The following ST6GALNAC3 variants were observed in gnomAD, a reference collection of about 807,000 sequenced individuals.
ST6GALNAC3 encodes alpha-N-acetylgalactosaminide alpha-2,6-sialyltransferase 3.
In ST6GALNAC3, 25 loss-of-function variants were observed where a neutral mutation model predicts 32.7. The ratio of observed to expected loss-of-function variants is 0.76; its 90% CI spans 0.56 to 1.07. The LOEUF is 1.07. ST6GALNAC3 is among the 50% of genes least tolerant of loss of function. The probability of loss-of-function intolerance (pLI) is 0.00; values close to 1 mark genes in which losing one functional copy is unlikely to be tolerated. For synonymous variants in ST6GALNAC3, 129 were observed against 133.1 expected, an observed-to-expected ratio of 0.97 and a Z score of 0.21; for missense variants, 355 against 382.4, an observed-to-expected ratio of 0.93 and a Z score of 0.60.
intron 1 of ST6GALNAC3, among the ~76,000 whole-genome samples, chr1:76,154,156 A>G (rs1557658248): frequency 1.3e-5 from 2 of 152,090 alleles, no homozygotes; most frequent in African/African-American, 2.4e-5. Context: ...TGGGTGGACA[A>G]TTCTCTTGGA....
intron 1 of ST6GALNAC3, among the ~76,000 whole-genome samples, chr1:76,296,752 C>T (rs1660428297): frequency 6.6e-6 from 1 of 152,018 alleles, no homozygotes; most frequent in African/African-American, 2.4e-5. Context: ...AGAATTTCAA[C>T]TCTGATGAGA....
chr1:76,419,716 A>G (rs1654892668), intron 3 of ST6GALNAC3, among the ~76,000 whole-genome samples: 1 of 152,116 alleles, frequency 6.6e-6, no homozygotes, highest in Admixed American at 6.6e-5. Flanking sequence ...TTCATCCTAT[A>G]CTACGCCCAT....
At chr1:76,468,299 T>C (rs1438306341) in intron 3 of ST6GALNAC3, among the ~76,000 whole-genome samples, 4 of 152,014 alleles carry the variant, frequency 2.6e-5, no homozygotes. Context: ...AAACATTTCC[T>C]CTAAATACTT....
At chr1:76,450,496 G>T (rs532272610) in intron 3 of ST6GALNAC3, among the ~76,000 whole-genome samples, 1 of 152,218 alleles carries the variant, frequency 6.6e-6, no homozygotes, top group East Asian at 1.9e-4. Flanking sequence ...AGATTGTGAA[G>T]ATTTTCTCCC....
intron 3 of ST6GALNAC3, among the ~76,000 whole-genome samples, chr1:76,487,397 C>T (rs1263955666): frequency 1.3e-5 from 2 of 152,250 alleles, no homozygotes; most frequent in Admixed American, 6.5e-5. Flanking sequence ...TCACATAGTC[C>T]CATATTTCTT....
At chr1:76,551,887 T>G (rs1005527065) in intron 3 of ST6GALNAC3, among the ~76,000 whole-genome samples, 5 of 152,090 alleles carry the variant, frequency 3.3e-5, no homozygotes, top group African/African-American at 1.2e-4. Context: ...ACTCTGTACC[T>G]CCATGAGGTC....
chr1:76,599,128 ACTT>A (rs1647180937), intron 3 of ST6GALNAC3, among the ~76,000 whole-genome samples: 1 of 152,086 alleles, frequency 6.6e-6, no homozygotes, highest in African/African-American at 2.4e-5. Context: ...TGCCATTAAT[ACTT>A]CTCATTTATT....
Position 76,630,402 on chromosome 1 carries a change from A to G in ST6GALNAC3, c.*1596A>G. ...ACAACAGGAGGAAATGAAGGCAGAG[A>G]AATATAGTTTCCTTTCCTAGGATTG... On this transcript the variant is annotated 3_prime_UTR_variant, in exon 5 of 5. Coordinates refer to ENST00000328299, the MANE Select transcript of ST6GALNAC3 (RefSeq NM_152996.4). The G allele has an allele frequency of 1.0e-6, 1 of 985,234 alleles. No individual in the cohort carries two copies. The highest frequency in any genetic ancestry group is 1.2e-6 in the Non-Finnish European group (1 of 829,830). 61.0% of individuals were successfully genotyped at this position (985,234 alleles called of 1,614,324 possible). A position where few individuals can be genotyped will look rare whatever the true frequency, so the allele number is the denominator to read the frequency against.
intron 1 of ST6GALNAC3, among the ~76,000 whole-genome samples, chr1:76,248,558 A>G (rs970661726): frequency 3.3e-5 from 5 of 152,130 alleles, no homozygotes; most frequent in African/African-American, 1.2e-4. Flanking sequence ...GGAAACAACC[A>G]TTATCCTAAT....
Position 76,618,821 on chromosome 1 carries a change from T to G in ST6GALNAC3, c.624-8631T>G, listed in dbSNP as rs59465485. Among the ~76,000 whole-genome samples, 949 of 152,286 alleles carry G rather than the reference T, an allele frequency of 6.2e-3. 11 individuals are homozygous for G. The highest frequency in any genetic ancestry group is 0.022 in the African/African-American group (904 of 41,560). On this transcript the variant is annotated intron_variant, in intron 3 of 4. Coordinates refer to ENST00000328299, the MANE Select transcript of ST6GALNAC3 (RefSeq NM_152996.4). Reference sequence around the variant, plus strand: ...CTGGACACCATCACAATGTTGACTCTTCGCATATTATACCTATCACAGCAA... The same window carrying G: ...CTGGACACCATCACAATGTTGACTCGTCGCATATTATACCTATCACAGCAA...
chr1:76,605,833 C>A (rs1442397466), intron 3 of ST6GALNAC3, among the ~76,000 whole-genome samples: 1 of 119,030 alleles, frequency 8.4e-6, no homozygotes, highest in Non-Finnish European at 1.6e-5. Context: ...CCACTGCACT[C>A]CATCCTGGGT....
downstream of ST6GALNAC3, chr1:76,636,747 G>A (rs1409942960): frequency 1.3e-5 from 2 of 151,554 alleles, no homozygotes; most frequent in Non-Finnish European, 2.9e-5. Context: ...CACCTAATAC[G>A]AAACTATTTG....
At chr1:76,300,273 G>T (rs145291573) in intron 1 of ST6GALNAC3, among the ~76,000 whole-genome samples, 1 of 151,950 alleles carries the variant, frequency 6.6e-6, no homozygotes, top group Non-Finnish European at 1.5e-5. Flanking sequence ...GTAGACAGTG[G>T]CTCCAATTTT....
chr1:76,184,360 G>A (rs1653394046), intron 1 of ST6GALNAC3, among the ~76,000 whole-genome samples: 1 of 152,074 alleles, frequency 6.6e-6, no homozygotes, highest in South Asian at 2.1e-4. Context: ...CCAACATAGT[G>A]AAACCCTGTC....
intron 3 of ST6GALNAC3, among the ~76,000 whole-genome samples, chr1:76,491,794 A>G (rs1219951250): frequency 3.3e-5 from 5 of 152,312 alleles, no homozygotes; most frequent in African/African-American, 1.2e-4. Context: ...ATCAAAGTAC[A>G]GTTCTTGCTA....
intron 3 of ST6GALNAC3, among the ~76,000 whole-genome samples, chr1:76,593,219 A>C (rs375124177): frequency 1.9e-4 from 29 of 152,308 alleles, no homozygotes; most frequent in African/African-American, 7.0e-4. Flanking sequence ...AATTAGTATG[A>C]TGTCTTTGTT....
chr1:76,409,223 C>A (rs1010014890), intron 2 of ST6GALNAC3, among the ~76,000 whole-genome samples: 2 of 152,070 alleles, frequency 1.3e-5, no homozygotes, highest in African/African-American at 4.8e-5. Context: ...CTATTCCCAT[C>A]TGGTGCCTGG....
rs1431208283 is a variant in ST6GALNAC3, at chr1:76,074,840, C to T, written c.-27C>T. 3 of 1,582,068 alleles carry T rather than the reference C, an allele frequency of 1.9e-6. No homozygotes were observed. Among genetic ancestry groups the T allele is most frequent in the Admixed American group, 1.8e-5 (1 of 55,492 alleles). On this transcript the variant is annotated 5_prime_UTR_variant, in exon 1 of 5. Coordinates refer to ENST00000328299, the MANE Select transcript of ST6GALNAC3 (RefSeq NM_152996.4). The stretch of plus-strand genomic sequence containing the variant: ...CCCTGACCCAGGCGCGCCCGCTGCT[C>T]GGTGGCAGGAGGGCCGGCGGAGCGC...
rs1349664344 is a variant in ST6GALNAC3 at position 76,464,409 on chromosome 1, A to G, written c.623+51992A>G. Among the ~76,000 whole-genome samples the G allele has an allele frequency of 2.0e-5, 3 of 152,198 alleles. No individual in the cohort carries two copies. In the East Asian group the frequency reaches 5.8e-4, roughly 29 times the overall value. The stretch of plus-strand genomic sequence containing the variant: ...GGGTGATGTTGATCATGACCCATCA[A>G]TAGGTCAGAGCCTTCATTGTTAATT... On this transcript the variant is annotated intron_variant, in intron 3 of 4. Transcript: ENST00000328299.
Sources: allele counts gnomAD v4.1 joint callset (sites outside exome capture counted in the v4.1 genomes callset), GRCh38; gene constraint gnomAD v4.1.1; transcripts MANE v1.5; gene names NCBI Gene and HGNC (gene_info 2026-07-23, HGNC 2026-07-21).